RCSD1: variants seen among roughly 807,000 people sequenced by gnomAD.
RCSD1 encodes the protein capZ-interacting protein.
A neutral mutation model predicts 42.5 loss-of-function variants in RCSD1; 26 were observed. The ratio of observed to expected loss-of-function variants is 0.61; its 90% CI spans 0.45 to 0.85. The LOEUF is 0.85. RCSD1 is among the 40% of genes least tolerant of loss of function. RCSD1 has a pLI of 0.00. For missense variants in RCSD1, 571 were observed against 528.3 expected, an observed-to-expected ratio of 1.08 and a Z score of -0.79; for synonymous variants, 220 against 212.2, an observed-to-expected ratio of 1.04 and a Z score of -0.32.
intron 1 of RCSD1, among the ~76,000 whole-genome samples, chr1:167,634,164 G>C (rs776398935): frequency 6.6e-6 from 1 of 152,128 alleles, no homozygotes; most frequent in South Asian, 2.1e-4. Flanking sequence ...CCTCTGGAAG[G>C]CTTCTGTGAA....
chr1:167,697,801 A>C lies in RCSD1; in HGVS notation c.1177A>C (p.Ser393Arg). The change falls in exon 6 of 7, where the codon AGC becomes CGC. Residue 393 changes from serine to arginine, a missense_variant. Ser to Arg is a moderately radical substitution (Grantham distance 110). Transcript: ENST00000367854. The stretch of plus-strand genomic sequence containing the variant: ...GACCGGCCCTGCCCAGCTGGAGACC[A>C]GCAGTGAGGTCCAGAGCGAGCCAGC... Reference protein sequence around the residue: ...PQTGPAQLETSSEVQSEPAVP... With the variant: ...PQTGPAQLETRSEVQSEPAVP... 6.8e-7 allele frequency: 1 copy of C among 1,479,294 alleles called. No individual in the cohort carries two copies. The highest frequency in any genetic ancestry group is 9.0e-7 in the Non-Finnish European group (1 of 1,116,358). 91.6% of individuals were successfully genotyped at this position (1,479,294 alleles called of 1,614,324 possible).
rs1213667727 is a variant in RCSD1, at chr1:167,705,957, GA to G, written c.*1262del. 1.3e-5 allele frequency: 2 copies of G among 152,166 alleles called. No homozygotes were observed. Among genetic ancestry groups the G allele is most frequent in the Non-Finnish European group, 2.9e-5 (2 of 68,028 alleles). The allele number at this position is 152,166 out of a possible 1,614,324, so 9.4% of individuals were successfully genotyped here. A position where few individuals can be genotyped will look rare whatever the true frequency, so the allele number is the denominator to read the frequency against. Reference sequence around the variant, plus strand: ...GAGTATTTTAATGTCTCAGTGTGCTGATTTGGTAGTTGGAAGAATTATTCTT... The same window carrying G: ...GAGTATTTTAATGTCTCAGTGTGCTGTTTGGTAGTTGGAAGAATTATTCTT... On this transcript the variant is annotated 3_prime_UTR_variant, in exon 7 of 7. Transcript: ENST00000367854.
intron 1 of RCSD1, among the ~76,000 whole-genome samples, chr1:167,637,730 C>CCACA (rs66925392): frequency 0.012 from 1,772 of 146,820 alleles, 28 homozygotes; most frequent in African/African-American, 0.038. Flanking sequence ...TAGGAATAGA[C>CCACA]CACACACACA....
At chr1:167,685,889 C>T (rs1659222417) in intron 3 of RCSD1, among the ~76,000 whole-genome samples, 1 of 152,076 alleles carries the variant, frequency 6.6e-6, no homozygotes, top group South Asian at 2.1e-4. Context: ...GAGAAGGTAC[C>T]TGGAAAGGGG....
chr1:167,630,281 C>A lies in RCSD1; in HGVS notation c.-143C>A. The stretch of plus-strand genomic sequence containing the variant: ...GGGGCAGTCCCGCAGCCGAGCGCAG[C>A]CGGGCGCGCGCCACCGCCCACTCGC... On this transcript the variant is annotated 5_prime_UTR_variant, in exon 1 of 7. Coordinates refer to ENST00000367854, the MANE Select transcript of RCSD1 (RefSeq NM_052862.4). 3.3e-6 allele frequency: 3 copies of A among 909,134 alleles called. No individual in the cohort carries two copies. The highest frequency in any genetic ancestry group is 4.4e-6 in the Non-Finnish European group (3 of 689,056). The allele number at this position is 909,134 out of a possible 1,614,324, so 56.3% of individuals were successfully genotyped here.
intron 1 of RCSD1, among the ~76,000 whole-genome samples, chr1:167,678,712 T>C (rs990342509): frequency 1.3e-5 from 2 of 152,174 alleles, no homozygotes; most frequent in African/African-American, 2.4e-5. Context: ...GACATCCTGC[T>C]GGTTCAAGAT....
intron 1 of RCSD1, among the ~76,000 whole-genome samples, chr1:167,673,743 G>T (rs189965122): frequency 3.9e-5 from 6 of 152,252 alleles, no homozygotes. Flanking sequence ...TTGAACTAAA[G>T]TTTCCCATAG....
chr1:167,645,744 CAT>C (rs1462875596), intron 1 of RCSD1, among the ~76,000 whole-genome samples: 2 of 152,140 alleles, frequency 1.3e-5, no homozygotes, highest in Admixed American at 1.3e-4. Context: ...TCTTAACCCA[CAT>C]GTGTGGGTGT....
At chr1:167,680,405 G>A (rs1192528582) in intron 1 of RCSD1, among the ~76,000 whole-genome samples, 1 of 151,750 alleles carries the variant, frequency 6.6e-6, no homozygotes, top group African/African-American at 2.4e-5. Context: ...AGGTCGGATG[G>A]GAGGAGGAGG....
At chr1:167,663,365 G>A (rs1326061881) in intron 1 of RCSD1, 1 of 152,286 alleles carries the variant, frequency 6.6e-6, no homozygotes, top group East Asian at 1.9e-4. Context: ...CAGCTGCACT[G>A]GACTTGCCCT....
At chr1:167,647,800 G>A (rs1016243113) in intron 1 of RCSD1, among the ~76,000 whole-genome samples, 4 of 152,030 alleles carry the variant, frequency 2.6e-5, no homozygotes, top group African/African-American at 9.6e-5. Flanking sequence ...GAAAACCCTA[G>A]GACTGTTCAG....
In RCSD1 at chr1:167,705,510, C is replaced by T. The variant is rs1659737100; in HGVS notation, c.*814C>T. On this transcript the variant is annotated 3_prime_UTR_variant, in exon 7 of 7. Coordinates refer to ENST00000367854, the MANE Select transcript of RCSD1 (RefSeq NM_052862.4). ...TTCATGTCCCGCGTTGCATCTCCTC[C>T]TGAAAGAAAAGCAGTGATACCTGAA... The T allele has an allele frequency of 6.6e-6, 1 of 152,090 alleles. No individual in the cohort carries two copies. Among genetic ancestry groups the T allele is most frequent in the Admixed American group, 6.6e-5 (1 of 15,264 alleles). 9.4% of individuals were successfully genotyped at this position (152,090 alleles called of 1,614,324 possible).
chr1:167,694,736 G>A lies in RCSD1; in HGVS notation c.474+434G>A, dbSNP rs570000747. Among the ~76,000 whole-genome samples the A allele has an allele frequency of 3.3e-4, 50 of 152,334 alleles. 3 individuals are homozygous for A. The South Asian group carries it at 0.01, about 31-fold the overall frequency. On this transcript the variant is annotated intron_variant, in intron 5 of 6. Coordinates refer to ENST00000367854, the MANE Select transcript of RCSD1 (RefSeq NM_052862.4). ...CGTCCTGTCTGGCCTGGTGTGAATAGCCCTAAGTGTCCCAGTGTGGACTCA... is the reference window on the plus strand; with the variant it reads ...CGTCCTGTCTGGCCTGGTGTGAATAACCCTAAGTGTCCCAGTGTGGACTCA...
chr1:167,707,091 C>G lies in RCSD1; in HGVS notation c.*2395C>G, dbSNP rs555582329. Reference sequence around the variant, plus strand: ...GTCCTTCCTTACTCCAGAGAGGGAGCAAGAAAAAAAACCTGGATGCTTTGA... The same window carrying G: ...GTCCTTCCTTACTCCAGAGAGGGAGGAAGAAAAAAAACCTGGATGCTTTGA... On this transcript the variant is annotated 3_prime_UTR_variant, in exon 7 of 7. Coordinates refer to ENST00000367854, the MANE Select transcript of RCSD1 (RefSeq NM_052862.4). Among the ~76,000 whole-genome samples, 221 of 152,098 alleles carry G rather than the reference C, an allele frequency of 1.5e-3. No homozygotes were observed. Among genetic ancestry groups the G allele is most frequent in the Non-Finnish European group, 2.4e-3 (164 of 67,984 alleles).
At chr1:167,630,731 A>AAAAAAAG (rs1657677092) in intron 1 of RCSD1, 1 of 239,674 alleles carries the variant, frequency 4.2e-6, no homozygotes, top group Non-Finnish European at 7.3e-6. Context: ...TAAAAAAAAA[A>AAAAAAAG]AAAAAAAAAA....
At chr1:167,668,285 C>CA (rs1658709072) in intron 1 of RCSD1, among the ~76,000 whole-genome samples, 4 of 149,468 alleles carry the variant, frequency 2.7e-5, no homozygotes, top group African/African-American at 7.5e-5. Flanking sequence ...ACTCCGTCTC[C>CA]AGAAAAAAAA....
At position 167,653,494 on chromosome 1, in the gene RCSD1, T is replaced by C. The variant is rs148584265; in HGVS notation, c.6+23065T>C. On this transcript the variant is annotated intron_variant, in intron 1 of 6. Transcript: ENST00000367854. The stretch of plus-strand genomic sequence containing the variant: ...TAACAGATGGAGATCTGCCTAGGCA[T>C]TGTAGCCCAGTTACTTGATCCGGAA... 3.0e-3 allele frequency among the ~76,000 whole-genome samples: 452 copies of C among 152,360 alleles called. 3 individuals are homozygous for C. The highest frequency in any genetic ancestry group is 0.01 in the African/African-American group (430 of 41,590).
intron 1 of RCSD1, among the ~76,000 whole-genome samples, chr1:167,636,942 A>G (rs1657875572): frequency 6.6e-6 from 1 of 152,206 alleles, no homozygotes; most frequent in African/African-American, 2.4e-5. Context: ...CCTGCCAGGC[A>G]CTGCGGATCT....
intron 1 of RCSD1, among the ~76,000 whole-genome samples, chr1:167,636,830 C>T (rs936186326): frequency 6.6e-6 from 1 of 152,204 alleles, no homozygotes; most frequent in South Asian, 2.1e-4. Flanking sequence ...AGGTAATCCA[C>T]CCACCTCAGC....
Sources: gnomAD v4.1 joint callset for allele counts (sites outside exome capture counted in the v4.1 genomes callset) on GRCh38, gnomAD v4.1.1 for gene constraint, MANE v1.5 for transcripts, NCBI Gene and HGNC (gene_info 2026-07-23, HGNC 2026-07-21) for gene names.